CELSR1: variants seen among roughly 807,000 people sequenced by gnomAD.
CELSR1 encodes cadherin EGF LAG seven-pass G-type receptor 1, also known as adhesion G protein-coupled receptor C1.
Under a neutral mutation model 249.1 loss-of-function variants are expected in CELSR1, and 110 were observed. That is an observed-to-expected ratio of 0.44 (90% CI 0.38 to 0.52). The LOEUF (loss-of-function observed/expected upper bound fraction) is 0.52, where lower values mean the gene tolerates loss of function less well. Among genes scored for constraint, CELSR1 ranks in the 20% least tolerant of loss-of-function variants. The pLI is 0.00. For missense variants in CELSR1, 4,109 were observed against 4,296.4 expected (o/e 0.96, Z 1.22); for synonymous variants, 2,113 against 1,900.0 (o/e 1.11, Z -2.92).
rs765509888 is a variant in CELSR1, at chr22:46,372,947, G to A, written c.7695C>T (p.Asn2565=). The change falls in exon 25 of 35, where the codon AAC becomes AAT. Residue 2565 remains asparagine, a synonymous_variant. Transcript: ENST00000674500. The stretch of plus-strand genomic sequence containing the variant: ...AGAACCGCATGGGCCCCGTGTCGAT[G>A]TTGCGCACCTCGGTCAGCATGCGGT... ...HVYRMLTEVR[N]IDTGPMRFYY... The A allele has an allele frequency of 6.2e-7, 1 of 1,613,434 alleles. No homozygotes were observed. Among genetic ancestry groups the A allele is most frequent in the Admixed American group, 1.7e-5 (1 of 60,022 alleles).
rs757477302 is a variant in CELSR1 at position 46,536,055 on chromosome 22, C to T, written c.1116G>A (p.Val372=). 1 of 1,610,824 alleles carries T rather than the reference C, an allele frequency of 6.2e-7. No homozygotes were observed. The highest frequency in any genetic ancestry group is 1.1e-5 in the South Asian group (1 of 91,068). ...VRENLEVGYE[V]LTIRASDRDS... ...CGCGGTCGCTGGCGCGGATGGTCAG[C>T]ACCTCGTAGCCCACCTCCAGGTTCT... The change falls in exon 1 of 35, where the codon GTG becomes GTA. Residue 372 remains valine (V), a synonymous_variant. Coordinates refer to ENST00000674500, the MANE Select transcript of CELSR1 (RefSeq NM_001378328.1).
At chr22:46,531,368 G>C (rs182455947) in intron 1 of CELSR1, among the ~76,000 whole-genome samples, 2 of 152,026 alleles carry the variant, frequency 1.3e-5, no homozygotes, top group Non-Finnish European at 2.9e-5. Flanking sequence ...ACCACACCAG[G>C]CTAATTTTTG....
intron 1 of CELSR1, among the ~76,000 whole-genome samples, chr22:46,475,982 C>T (rs1602188585): frequency 6.6e-6 from 1 of 152,234 alleles, no homozygotes; most frequent in South Asian, 2.1e-4. Context: ...CACACATCAA[C>T]ATAGCCAGCC....
intron 1 of CELSR1, among the ~76,000 whole-genome samples, chr22:46,524,828 C>T (rs781630997): frequency 8.5e-5 from 13 of 152,148 alleles, no homozygotes; most frequent in Admixed American, 3.9e-4. Flanking sequence ...TCCCTCAGCA[C>T]GTGTGGGAGG....
rs780826440 is a variant in CELSR1, at chr22:46,364,723, G to C, written c.8568C>G (p.Ala2856=). The change falls in exon 33 of 35, where the codon GCC becomes GCG. Residue 2856 remains alanine (A), a synonymous_variant. Coordinates refer to ENST00000674500, the MANE Select transcript of CELSR1 (RefSeq NM_001378328.1). ...CGGGCCAGCCGGCCGGAACGTGGTT[G>C]GCCACAGCGTCCCCTGAGGCACGAG... The part of the protein sequence containing the change: ...VHSTPKGDAV[A]NHVPAGWPDQ... 1.3e-5 allele frequency: 21 copies of C among 1,611,928 alleles called. No homozygotes were observed. The highest frequency in any genetic ancestry group is 1.8e-5 in the Non-Finnish European group (21 of 1,179,736).
Position 46,446,995 on chromosome 22 carries a change from G to C in CELSR1, c.4184-7584C>G, listed in dbSNP as rs1199589508. Reference sequence around the variant, plus strand: ...ACTTGCAGCACAGCCCTGCACAGAAGATAAAGTTAAGCAAAGCGGGAGTGG... The same window carrying C: ...ACTTGCAGCACAGCCCTGCACAGAACATAAAGTTAAGCAAAGCGGGAGTGG... On this transcript the variant is annotated intron_variant, in intron 2 of 34. Coordinates refer to ENST00000674500, the MANE Select transcript of CELSR1 (RefSeq NM_001378328.1). The surrounding 1 kb of genome is among the most constrained non-coding windows in gnomAD (Gnocchi z 5.5). 6.6e-6 allele frequency among the ~76,000 whole-genome samples: 1 copy of C among 152,074 alleles called. No homozygotes were observed. The highest frequency in any genetic ancestry group is 1.5e-5 in the Non-Finnish European group (1 of 68,008).
Position 46,399,781 on chromosome 22 carries a change from T to C in CELSR1, c.5348A>G (p.Asn1783Ser), listed in dbSNP as rs376597928. 4 of 1,613,940 alleles carry C rather than the reference T, an allele frequency of 2.5e-6. No homozygotes were observed. The African/African-American group carries it at 5.3e-5, about 22-fold the overall frequency. The change falls in exon 10 of 35, where the codon AAT (asparagine) becomes AGT (serine). Residue 1783 changes from asparagine (N) to serine (S), a missense_variant. Asn to Ser is a conservative substitution (Grantham distance 46, BLOSUM62 1). Around this residue, in one of 7 missense-constraint regions of CELSR1, gnomAD observed 1,805 missense variants for 1,831.6 expected, o/e 0.99. Transcript: ENST00000674500. This position sits in a 1 kb window ranked among gnomAD's most constrained non-coding sequence, Gnocchi z 5.0. ...EWHHLLIELK[N>S]VKEDSEMKHL... is the part of the protein sequence containing the mutation. The stretch of plus-strand genomic sequence containing the variant: ...CTTCATCTCACTGTCCTCCTTAACA[T>C]TCTTCAGCTCGATCAGCAGGTGGTG...
chr22:46,505,349 G>A (rs2080505451), intron 1 of CELSR1, among the ~76,000 whole-genome samples: 1 of 148,368 alleles, frequency 6.7e-6, no homozygotes, highest in Non-Finnish European at 1.5e-5. Context: ...AAAGCAACTT[G>A]CAAACCGGGC....
At chr22:46,377,317 G>A (rs2078930192) in intron 23 of CELSR1, 56 bp from the exon 24 acceptor site, 1 of 1,540,874 alleles carries the variant, frequency 6.5e-7, no homozygotes, top group Non-Finnish European at 8.9e-7. Flanking sequence ...GCTCAGATCT[G>A]GTCATTGCAT....
intron 1 of CELSR1, among the ~76,000 whole-genome samples, chr22:46,514,057 T>C (rs976141260): frequency 2.0e-5 from 3 of 152,114 alleles, no homozygotes; most frequent in Admixed American, 6.5e-5. Flanking sequence ...CCTCCCAAAG[T>C]GCTGGTATTA....
intron 25 of CELSR1, chr22:46,370,047 G>T: frequency 1.7e-6 from 1 of 601,886 alleles, no homozygotes; most frequent in Non-Finnish European, 3.1e-6. Flanking sequence ...GGCAGGGGGC[G>T]TATCTGGGCC....
chr22:46,432,933 T>C (rs559686116), intron 5 of CELSR1, among the ~76,000 whole-genome samples: 5 of 152,254 alleles, frequency 3.3e-5, no homozygotes, highest in African/African-American at 9.6e-5. Context: ...CCTCCACAAA[T>C]GTGCATTTCC....
At chr22:46,491,531 G>A (rs1430442870) in intron 1 of CELSR1, among the ~76,000 whole-genome samples, 2 of 151,606 alleles carry the variant, frequency 1.3e-5, no homozygotes, top group African/African-American at 2.4e-5. Flanking sequence ...CCAAAGTGCT[G>A]GGATTACAGG....
chr22:46,377,909 G>A (rs1459197227), intron 23 of CELSR1, among the ~76,000 whole-genome samples: 2 of 152,226 alleles, frequency 1.3e-5, no homozygotes, highest in Non-Finnish European at 2.9e-5. Context: ...TTGAGCCACA[G>A]TGCAACCCCG....
intron 1 of CELSR1, among the ~76,000 whole-genome samples, chr22:46,466,116 C>A (rs966791234): frequency 6.6e-6 from 1 of 152,162 alleles, no homozygotes; most frequent in Non-Finnish European, 1.5e-5. Flanking sequence ...GCCCAGAGGG[C>A]GTCCGCAGAG....
At chr22:46,414,743 A>G (rs557979087) in intron 5 of CELSR1, among the ~76,000 whole-genome samples, 1 of 152,308 alleles carries the variant, frequency 6.6e-6, no homozygotes, top group East Asian at 1.9e-4. Context: ...AAAGCATTAA[A>G]CGCAGAACTA....
chr22:46,365,442 G>A, intron 31 of CELSR1, 62 bp from the exon 32 acceptor site: 3 of 1,588,938 alleles, frequency 1.9e-6, no homozygotes, highest in Non-Finnish European at 1.7e-6. Context: ...CCCACCGAGG[G>A]CCAAGCAGAG....
At chr22:46,524,982 T>A (rs2080724894) in intron 1 of CELSR1, among the ~76,000 whole-genome samples, 1 of 151,866 alleles carries the variant, frequency 6.6e-6, no homozygotes, top group Non-Finnish European at 1.5e-5. Context: ...CCAGAAATAA[T>A]CCACACCGCC....
rs959093238 is a variant in CELSR1, at chr22:46,407,286, T to A, written c.5226+1710A>T. On this transcript the variant is annotated intron_variant, in intron 9 of 34. Transcript: ENST00000674500. This position sits in a 1 kb window ranked among gnomAD's most constrained non-coding sequence, Gnocchi z 4.8. The stretch of plus-strand genomic sequence containing the variant: ...ATGTGCACGCATGGAGAGATGCACA[T>A]ACACAGACTGACATGCACACACACT... Among the ~76,000 whole-genome samples, 1 of 151,986 alleles carries A rather than the reference T, an allele frequency of 6.6e-6. No homozygotes were observed.
Sources: allele counts gnomAD v4.1 joint callset (sites outside exome capture counted in the v4.1 genomes callset), GRCh38; gene constraint gnomAD v4.1.1; regional missense constraint gnomAD v4.1.1; non-coding constraint Gnocchi (gnomAD v3.1); transcripts MANE v1.5; gene names NCBI Gene and HGNC (gene_info 2026-07-23, HGNC 2026-07-21).